Variants in LYRM7 observed in about 807,000 individuals in gnomAD.
The protein encoded by LYRM7 is complex III assembly factor LYRM7.
A neutral mutation model predicts 15.8 loss-of-function variants in LYRM7; 9 were observed. The observed-to-expected ratio is 0.57, with a 90% CI of 0.34 to 0.99. LYRM7 has a LOEUF of 0.99. Among genes scored for constraint, LYRM7 ranks in the 50% least tolerant of loss-of-function variants. The probability of loss-of-function intolerance (pLI) is 0.02; values close to 1 mark genes in which losing one functional copy is unlikely to be tolerated. For synonymous variants in LYRM7, 39 were observed against 39.4 expected (o/e 0.99, Z 0.04); for missense variants, 115 against 119.1 (o/e 0.97, Z 0.16).
At chr5:131,173,689 C>T (rs1461128227) in intron 1 of LYRM7, among the ~76,000 whole-genome samples, 1 of 152,186 alleles carries the variant, frequency 6.6e-6, no homozygotes, top group Non-Finnish European at 1.5e-5. Context: ...GCAGAGGCTG[C>T]AGTGAGCCGA....
chr5:131,197,471 G>A (rs1340021998), intron 4 of LYRM7, among the ~76,000 whole-genome samples: 1 of 146,980 alleles, frequency 6.8e-6, no homozygotes, highest in Non-Finnish European at 1.5e-5. Flanking sequence ...AGTCAGACCA[G>A]TTCTTTCTTA....
At chr5:131,182,199 G>T in intron 2 of LYRM7, 30 bp from the exon 3 acceptor site, 1 of 1,375,936 alleles carries the variant, frequency 7.3e-7, no homozygotes, top group South Asian at 1.3e-5. Flanking sequence ...TTACAAAAGC[G>T]AATAACTATA....
intron 1 of LYRM7, among the ~76,000 whole-genome samples, chr5:131,176,394 A>G (rs530674613): frequency 1.3e-5 from 2 of 152,056 alleles, no homozygotes; most frequent in South Asian, 4.2e-4. Context: ...AACTCTTTTT[A>G]TTGACTGTCT....
At chr5:131,190,692 T>G (rs1037193915) in intron 4 of LYRM7, among the ~76,000 whole-genome samples, 4 of 151,974 alleles carry the variant, frequency 2.6e-5, no homozygotes, top group Admixed American at 2.6e-4. Context: ...GGTTTCACCA[T>G]GTTGGCCAGG....
chr5:131,171,384 G>A (rs1755520163), intron 1 of LYRM7, among the ~76,000 whole-genome samples: 1 of 152,160 alleles, frequency 6.6e-6, no homozygotes, highest in Non-Finnish European at 1.5e-5. Context: ...AAGTATAGGA[G>A]ACGCCAAAGG....
rs183996420 is a variant in LYRM7 at position 131,193,985 on chromosome 5, G to A, written c.245-5546G>A. On this transcript the variant is annotated intron_variant, in intron 4 of 4. Transcript: ENST00000379380. The stretch of plus-strand genomic sequence containing the variant: ...GATTGCGCCATTGCACTCCAGCCTG[G>A]GCAACAAGAGCAAAACTCCGTCTCA... Among the ~76,000 whole-genome samples, 98 of 152,114 alleles carry A rather than the reference G, an allele frequency of 6.4e-4. 1 individual carries two copies. The East Asian group carries it at 0.014, about 22-fold the overall frequency.
intron 1 of LYRM7, chr5:131,171,645 C>A (rs1167198094): frequency 6.6e-6 from 1 of 152,174 alleles, no homozygotes; most frequent in Non-Finnish European, 1.5e-5. Context: ...GCATGATGCA[C>A]GTTCCTGCCC....
chr5:131,195,468 A>G (rs1434616829), intron 4 of LYRM7, among the ~76,000 whole-genome samples: 1 of 152,184 alleles, frequency 6.6e-6, no homozygotes, highest in East Asian at 1.9e-4. Context: ...CTTATCCACT[A>G]AAACTAAAGC....
rs1166486154 is a variant in LYRM7 at position 131,204,507 on chromosome 5, C to CAT, written c.*4907_*4908insTA. 6.7e-6 allele frequency: 1 copy of CAT among 149,900 alleles called. No homozygotes were observed. Among genetic ancestry groups the CAT allele is most frequent in the Non-Finnish European group, 1.5e-5 (1 of 67,646 alleles). 9.3% of individuals were successfully genotyped at this position (149,900 alleles called of 1,614,324 possible). ...ACACACACACACACACACACACACA[C>CAT]ACACACAGTTTGGGTATCCCTAATC... On this transcript the variant is annotated 3_prime_UTR_variant, in exon 5 of 5. Transcript: ENST00000379380.
At chr5:131,182,075 T>G (rs778858167) in intron 2 of LYRM7, among the ~76,000 whole-genome samples, 154 bp from the exon 3 acceptor site, 3 of 152,290 alleles carry the variant, frequency 2.0e-5, no homozygotes, top group Non-Finnish European at 1.5e-5. Context: ...CCAAGAGACT[T>G]CATTAATAAA....
Position 131,189,368 on chromosome 5 carries a change from G to A in LYRM7, c.244+2259G>A, listed in dbSNP as rs572133043. On this transcript the variant is annotated intron_variant, in intron 4 of 4. Transcript: ENST00000379380. Reference sequence around the variant, plus strand: ...TGAGGCAGGAGAATGGCATGAACCCGGGAGGCGGAGCTTGCAGTGAGTCAA... The same window carrying A: ...TGAGGCAGGAGAATGGCATGAACCCAGGAGGCGGAGCTTGCAGTGAGTCAA... 4.4e-4 allele frequency among the ~76,000 whole-genome samples: 65 copies of A among 148,920 alleles called. 1 individual carries two copies. The Middle Eastern group carries it at 0.01, about 24-fold the overall frequency.
intron 1 of LYRM7, among the ~76,000 whole-genome samples, chr5:131,177,533 T>A (rs1468060213): frequency 6.6e-6 from 1 of 152,238 alleles, no homozygotes; most frequent in Non-Finnish European, 1.5e-5. Flanking sequence ...TTTCAAAACT[T>A]GAATATGTTA....
chr5:131,182,196 A>G, intron 2 of LYRM7, 33 bp from the exon 3 acceptor site: 1 of 1,370,826 alleles, frequency 7.3e-7, no homozygotes, highest in Non-Finnish European at 9.8e-7. Context: ...AGATTACAAA[A>G]GCGAATAACT....
At chr5:131,177,756 A>T (rs560249056) in intron 1 of LYRM7, among the ~76,000 whole-genome samples, 34 of 151,826 alleles carry the variant, frequency 2.2e-4, no homozygotes, top group Admixed American at 2.2e-3. Context: ...ACTTGGTGAA[A>T]TTTTTTTTCT....
Position 131,204,132 on chromosome 5 carries a change from C to A in LYRM7, c.*4531C>A, listed in dbSNP as rs1189262701. 1 of 150,928 alleles carries A rather than the reference C, an allele frequency of 6.6e-6. No homozygotes were observed. The highest frequency in any genetic ancestry group is 1.5e-5 in the Non-Finnish European group (1 of 67,760). 9.3% of individuals were successfully genotyped at this position (150,928 alleles called of 1,614,324 possible). A position where few individuals can be genotyped will look rare whatever the true frequency, so the allele number is the denominator to read the frequency against. ...TTTTTTTTTAGAGACAAGATCTCTCCGTGTTGTCTAGGCTGGACTCAAACT... is the reference window on the plus strand; with the variant it reads ...TTTTTTTTTAGAGACAAGATCTCTCAGTGTTGTCTAGGCTGGACTCAAACT... On this transcript the variant is annotated 3_prime_UTR_variant, in exon 5 of 5. Coordinates refer to ENST00000379380, the MANE Select transcript of LYRM7 (RefSeq NM_181705.4).
chr5:131,190,082 C>A (rs1214060422), intron 4 of LYRM7, among the ~76,000 whole-genome samples: 1 of 150,086 alleles, frequency 6.7e-6, no homozygotes, highest in Non-Finnish European at 1.5e-5. Flanking sequence ...TGCAATGACC[C>A]GAGATCGCAC....
chr5:131,173,816 C>A (rs1755559479), intron 1 of LYRM7, among the ~76,000 whole-genome samples: 1 of 152,296 alleles, frequency 6.6e-6, no homozygotes, highest in East Asian at 1.9e-4. Context: ...AAAATGCTAA[C>A]AATTATTTGA....
rs1756103321 is a variant in LYRM7, at chr5:131,203,119, C to T, written c.*3518C>T. 1 of 152,218 alleles carries T rather than the reference C, an allele frequency of 6.6e-6. No homozygotes were observed. Among genetic ancestry groups the T allele is most frequent in the Non-Finnish European group, 1.5e-5 (1 of 68,028 alleles). The allele number at this position is 152,218 out of a possible 1,614,324, so 9.4% of individuals were successfully genotyped here. A position where few individuals can be genotyped will look rare whatever the true frequency, so the allele number is the denominator to read the frequency against. On this transcript the variant is annotated 3_prime_UTR_variant, in exon 5 of 5. Coordinates refer to ENST00000379380, the MANE Select transcript of LYRM7 (RefSeq NM_181705.4). The stretch of plus-strand genomic sequence containing the variant: ...AAAGCACATAATTTAACCATAAACA[C>T]AAAGCCATAGGTCAACAAAGAAATG...
chr5:131,176,062 G>A (rs202051587), intron 1 of LYRM7, among the ~76,000 whole-genome samples: 2 of 152,130 alleles, frequency 1.3e-5, no homozygotes, highest in African/African-American at 4.8e-5. Context: ...ATCAGCCTGC[G>A]TTAGCTTATT....
Sources: gnomAD v4.1 joint callset for allele counts (sites outside exome capture counted in the v4.1 genomes callset) on GRCh38, gnomAD v4.1.1 for gene constraint, MANE v1.5 for transcripts, NCBI Gene and HGNC (gene_info 2026-07-23, HGNC 2026-07-21) for gene names.